MOK: variants seen among roughly 807,000 people sequenced by gnomAD.
MOK encodes the protein MOK protein kinase.
MOK carries 59 observed loss-of-function variants against 54.2 expected under a neutral mutation model. That is an observed-to-expected ratio of 1.09 (90% CI 0.88 to 1.35). The LOEUF (loss-of-function observed/expected upper bound fraction) is 1.35, where lower values mean the gene tolerates loss of function less well. Among genes scored for constraint, MOK ranks in the 40% most tolerant of loss-of-function variants. MOK has a pLI of 0.00. For missense variants in MOK, 517 were observed against 526.2 expected (o/e 0.98, Z 0.17); for synonymous variants, 210 against 202.7 (o/e 1.04, Z -0.31).
At chr14:102,222,850 C>A (rs145965488), downstream of MOK, 1,234 of 1,614,074 alleles carry the variant, frequency 7.6e-4, no homozygotes, top group Non-Finnish European at 9.9e-4. The surrounding 1 kb of genome is among the most constrained non-coding windows in gnomAD (Gnocchi z 4.4). Flanking sequence ...CATCCCCAAG[C>A]CAGGCCAGTT....
Position 102,251,015 on chromosome 14 carries a change from A to G in MOK, c.412-25T>C, listed in dbSNP as rs148443414. 1.4e-5 allele frequency: 22 copies of G among 1,611,220 alleles called. No homozygotes were observed. The East Asian group carries it at 4.9e-4, about 36-fold the overall frequency. On this transcript the variant is annotated intron_variant, in intron 6 of 11. Transcript: ENST00000361847. The stretch of plus-strand genomic sequence containing the variant: ...GCTGGAAGGGGAAAGAAGCAAGGAC[A>G]AGTAACATCCCATTATGTGGCTATC...
In MOK at chr14:102,305,158, A is replaced by G. The variant is rs1209852386; in HGVS notation, c.-190T>C. The G allele has an allele frequency of 8.4e-6, 6 of 711,952 alleles. No homozygotes were observed. The highest frequency in any genetic ancestry group is 1.2e-5 in the Non-Finnish European group (5 of 408,174). The allele number at this position is 711,952 out of a possible 1,614,324, so 44.1% of individuals were successfully genotyped here. On this transcript the variant is annotated 5_prime_UTR_variant, in exon 1 of 12. Coordinates refer to ENST00000361847, the MANE Select transcript of MOK (RefSeq NM_014226.3). ...TGTCCCTGTCACCCTAGCAACCGTC[A>G]GGCCCTGAACGCCATGAGCTGTCGC... is the stretch of plus-strand genomic sequence containing the variant.
chr14:102,302,570 C>T (rs2139369998), intron 1 of MOK, among the ~76,000 whole-genome samples: 1 of 151,736 alleles, frequency 6.6e-6, no homozygotes, highest in Middle Eastern at 3.4e-3. Context: ...TGCCCACCAC[C>T]ACGCCTGGCT....
At chr14:102,244,399 C>T (rs765632706) in intron 7 of MOK, among the ~76,000 whole-genome samples, 6 of 152,290 alleles carry the variant, frequency 3.9e-5, no homozygotes, top group Middle Eastern at 3.4e-3. Flanking sequence ...TCTATTCTGT[C>T]GTCATTTCAT....
intron 4 of MOK, among the ~76,000 whole-genome samples, chr14:102,261,612 C>A (rs1261881144): frequency 2.0e-5 from 3 of 150,654 alleles, no homozygotes; most frequent in Non-Finnish European, 3.0e-5. Context: ...CAGCTCACTG[C>A]AACTTCTGCC....
intron 7 of MOK, among the ~76,000 whole-genome samples, chr14:102,250,027 G>A (rs1018996886): frequency 3.9e-5 from 6 of 152,158 alleles, no homozygotes; most frequent in African/African-American, 1.4e-4. Flanking sequence ...TCATGGGAAG[G>A]GACTCTTGGT....
In MOK at chr14:102,245,780, C is replaced by G. The variant is rs1386149043; in HGVS notation, c.590+5032G>C. Among the ~76,000 whole-genome samples the G allele has an allele frequency of 6.6e-6, 1 of 152,136 alleles. No individual in the cohort carries two copies. The highest frequency in any genetic ancestry group is 2.4e-5 in the African/African-American group (1 of 41,412). ...TGGACGTGTGTGACACTTACAACCC[C>G]TACTGCAGCCAAACTCTCAGGACAT... On this transcript the variant is annotated intron_variant, in intron 7 of 11. Coordinates refer to ENST00000361847, the MANE Select transcript of MOK (RefSeq NM_014226.3). The surrounding 1 kb of genome is among the most constrained non-coding windows in gnomAD (Gnocchi z 4.3).
At position 102,292,014 on chromosome 14, in the gene MOK, CCA is replaced by C. The variant is rs567193025; in HGVS notation, c.8-8424_8-8423del. Among the ~76,000 whole-genome samples, 122 of 151,776 alleles carry C rather than the reference CCA, an allele frequency of 8.0e-4. 1 individual carries two copies. Among genetic ancestry groups the C allele is most frequent in the Admixed American group, 2.8e-3 (43 of 15,238 alleles). On this transcript the variant is annotated intron_variant, in intron 1 of 11. Transcript: ENST00000361847. ...AAGACTTCTTAGCACCAGCTATATA[CCA>C]CACACTGTGCCATGCACTGTAGACA... is the stretch of plus-strand genomic sequence containing the variant.
chr14:102,253,312 C>T (rs1443527127), intron 4 of MOK, among the ~76,000 whole-genome samples: 1 of 152,218 alleles, frequency 6.6e-6, no homozygotes, highest in African/African-American at 2.4e-5. Context: ...ATTCAGAGCG[C>T]ATGTGCTATG....
intron 4 of MOK, among the ~76,000 whole-genome samples, chr14:102,252,842 C>T (rs1018331892): frequency 1.3e-5 from 2 of 152,164 alleles, no homozygotes; most frequent in African/African-American, 4.8e-5. Context: ...AGATTCCAGA[C>T]ATGTCCACGG....
chr14:102,259,788 G>A (rs1364759800), intron 4 of MOK, among the ~76,000 whole-genome samples: 1 of 152,156 alleles, frequency 6.6e-6, no homozygotes, highest in African/African-American at 2.4e-5. Flanking sequence ...GCTCACGCTT[G>A]TAATCCCAGC....
chr14:102,297,849 C>T (rs756434564), intron 1 of MOK, among the ~76,000 whole-genome samples: 16 of 152,186 alleles, frequency 1.1e-4, no homozygotes, highest in Admixed American at 2.6e-4. Flanking sequence ...GCTGAGGGTG[C>T]ACCGGATACC....
intron 2 of MOK, among the ~76,000 whole-genome samples, chr14:102,280,344 G>C (rs1488941941): frequency 6.6e-6 from 1 of 152,020 alleles, no homozygotes; most frequent in Non-Finnish European, 1.5e-5. Flanking sequence ...AAGTAGATGG[G>C]ACCACAGGCA....
chr14:102,286,200 G>C (rs2070053206), intron 1 of MOK, among the ~76,000 whole-genome samples: 1 of 150,132 alleles, frequency 6.7e-6, no homozygotes. Flanking sequence ...TCGGGAGGCT[G>C]AGGCAGGAGA....
chr14:102,229,722 CG>C (rs1362421331), intron 10 of MOK, 65 bp from the exon 11 acceptor site: 95 of 1,394,750 alleles, frequency 6.8e-5, no homozygotes, highest in Non-Finnish European at 8.9e-5. Context: ...TTAGGAAAAA[CG>C]AAAGAGGCTC....
chr14:102,250,722 A>C, intron 7 of MOK, 90 bp downstream of exon 7: 1 of 1,229,750 alleles, frequency 8.1e-7, no homozygotes, highest in Non-Finnish European at 1.1e-6. Context: ...CAGAATGACC[A>C]TGACATCTGG....
At chr14:102,217,365 G>A in the MOK span, among the ~76,000 whole-genome samples, 4 of 152,184 alleles carry the variant, frequency 2.6e-5, no homozygotes, top group East Asian at 1.9e-4. Context: ...TTAGATGGTC[G>A]TGCCCTTCAT....
chr14:102,253,287 G>A (rs577583657), intron 4 of MOK, among the ~76,000 whole-genome samples: 140 of 152,292 alleles, frequency 9.2e-4, no homozygotes, highest in African/African-American at 3.1e-3. Flanking sequence ...TAGCACATGC[G>A]TCAGCTCTGT....
At chr14:102,267,422 C>T (rs1479409885) in intron 2 of MOK, among the ~76,000 whole-genome samples, 2 of 152,084 alleles carry the variant, frequency 1.3e-5, no homozygotes, top group Non-Finnish European at 2.9e-5. Flanking sequence ...AAAAATCAGC[C>T]GGGCGCAGTG....
Sources: gnomAD v4.1 joint callset for allele counts (sites outside exome capture counted in the v4.1 genomes callset) on GRCh38, gnomAD v4.1.1 for gene constraint, Gnocchi (gnomAD v3.1) non-coding constraint, MANE v1.5 for transcripts, NCBI Gene and HGNC (gene_info 2026-07-23, HGNC 2026-07-21) for gene names.